Variants in GLG1 observed in about 807,000 individuals in gnomAD.
The protein encoded by GLG1 is golgi glycoprotein 1.
In GLG1, 38 loss-of-function variants were observed where a neutral mutation model predicts 160.5. The ratio of observed to expected loss-of-function variants is 0.24; its 90% CI spans 0.18 to 0.31. GLG1 has a LOEUF of 0.31. GLG1 is among the 10% of genes least tolerant of loss of function. The probability of loss-of-function intolerance (pLI) is 1.00; values close to 1 mark genes in which losing one functional copy is unlikely to be tolerated. For missense variants in GLG1, 1,373 were observed against 1,505.2 expected, an observed-to-expected ratio of 0.91 and a Z score of 1.45; for synonymous variants, 644 against 543.4, an observed-to-expected ratio of 1.19 and a Z score of -2.57.
chr16:74,477,396 C>T lies in GLG1; in HGVS notation c.1965G>A (p.Gln655=), dbSNP rs752038762. The T allele has an allele frequency of 1.2e-6, 2 of 1,608,988 alleles. No individual in the cohort carries two copies. The highest frequency in any genetic ancestry group is 1.7e-5 in the Admixed American group (1 of 59,994). ...KWCSEKTETG[Q]ELECLQDHLD... Reference sequence around the variant, plus strand: ...ACAAACAGAAAGCGATGTCACCTACCTGTCCAGTCTCTGTTTTCTCACTGC... The same window carrying T: ...ACAAACAGAAAGCGATGTCACCTACTTGTCCAGTCTCTGTTTTCTCACTGC... The change falls in exon 12 of 26, where the codon CAG becomes CAA. Residue 655 remains glutamine (Q), a splice_region_variant and synonymous_variant. Transcript: ENST00000422840.
intron 1 of GLG1, among the ~76,000 whole-genome samples, chr16:74,554,976 A>G (rs1255827763): frequency 6.6e-6 from 1 of 152,230 alleles, no homozygotes; most frequent in African/African-American, 2.4e-5. Flanking sequence ...TAATCTCACC[A>G]CTGCCCTCCA....
intron 1 of GLG1, among the ~76,000 whole-genome samples, chr16:74,602,833 G>A (rs966191698): frequency 5.3e-5 from 8 of 151,258 alleles, no homozygotes; most frequent in Non-Finnish European, 8.8e-5. Flanking sequence ...TGTATACCCA[G>A]GGACTCATTA....
At chr16:74,485,557 C>G (rs899932036) in intron 9 of GLG1, among the ~76,000 whole-genome samples, 4 of 152,134 alleles carry the variant, frequency 2.6e-5, no homozygotes, top group Non-Finnish European at 4.4e-5. Context: ...CATATATGCT[C>G]AGTCATTGTC....
chr16:74,595,021 T>C (rs1958266932), intron 1 of GLG1, among the ~76,000 whole-genome samples: 2 of 151,214 alleles, frequency 1.3e-5, no homozygotes, highest in South Asian at 4.2e-4. Flanking sequence ...ACCTCGTCTC[T>C]ACTAAAAATA....
chr16:74,556,730 G>T (rs944617210), intron 1 of GLG1, among the ~76,000 whole-genome samples: 45 of 148,466 alleles, frequency 3.0e-4, no homozygotes, highest in South Asian at 6.3e-4. Context: ...ACAAGGTCTT[G>T]CTCTGTCTCA....
At position 74,600,227 on chromosome 16, in the gene GLG1, G is replaced by A. The variant is rs536912470; in HGVS notation, c.438+6430C>T. ...TACCACATCAAATTCATGAGTTCAC[G>A]TATATTTCCGCTTAGAACAAGGCTA... On this transcript the variant is annotated intron_variant, in intron 1 of 25. Coordinates refer to ENST00000422840, the MANE Select transcript of GLG1 (RefSeq NM_001145667.2). 1.2e-3 allele frequency among the ~76,000 whole-genome samples: 179 copies of A among 151,974 alleles called. 2 individuals are homozygous for A. Among genetic ancestry groups the A allele is most frequent in the Non-Finnish European group, 3.8e-4 (26 of 67,976 alleles).
At chr16:74,500,984 A>C (rs1266946754) in intron 4 of GLG1, among the ~76,000 whole-genome samples, 3 of 152,216 alleles carry the variant, frequency 2.0e-5, no homozygotes, top group Admixed American at 2.0e-4. Context: ...CAGATTAACC[A>C]TGAATCCTCT....
rs2014237289 is a variant in GLG1 at position 74,450,335 on chromosome 16, C to G, written c.*2832G>C. On this transcript the variant is annotated 3_prime_UTR_variant, in exon 26 of 26. Coordinates refer to ENST00000422840, the MANE Select transcript of GLG1 (RefSeq NM_001145667.2). ...ATAAGGCCAGGAACCAGGGGTGCCC[C>G]AGGCCCTGTTTTGTTTTGCCAAATG... The G allele has an allele frequency of 6.6e-6, 1 of 152,194 alleles. No homozygotes were observed. Among genetic ancestry groups the G allele is most frequent in the Non-Finnish European group, 1.5e-5 (1 of 68,050 alleles). 9.4% of individuals were successfully genotyped at this position (152,194 alleles called of 1,614,324 possible).
chr16:74,573,167 C>A (rs1036981758), intron 1 of GLG1, among the ~76,000 whole-genome samples: 1 of 152,014 alleles, frequency 6.6e-6, no homozygotes, highest in African/African-American at 2.4e-5. Context: ...GCAAAAATAT[C>A]TTTTAAGAAT....
intron 1 of GLG1, among the ~76,000 whole-genome samples, chr16:74,586,897 T>C (rs946189115): frequency 6.6e-6 from 1 of 152,034 alleles, no homozygotes; most frequent in Non-Finnish European, 1.5e-5. Flanking sequence ...GGTTTCACCA[T>C]GTTCGTCAGT....
rs558257414 is a variant in GLG1 at position 74,551,364 on chromosome 16, G to A, written c.439-19211C>T. ...GGGTGGAGTGCAGTGGTGTGATTTC[G>A]GCTCACTGCAACCTTAGCCCCAACC... On this transcript the variant is annotated intron_variant, in intron 1 of 25. Transcript: ENST00000422840. 1.2e-4 allele frequency among the ~76,000 whole-genome samples: 18 copies of A among 151,788 alleles called. 1 individual carries two copies. The highest frequency in any genetic ancestry group is 2.0e-4 in the Admixed American group (3 of 15,224).
intron 1 of GLG1, among the ~76,000 whole-genome samples, chr16:74,566,015 A>T (rs2018645699): frequency 6.6e-6 from 1 of 152,152 alleles, no homozygotes. Context: ...AACGTCCCTC[A>T]ATTTGGGTTT....
At position 74,483,091 on chromosome 16, in the gene GLG1, T is replaced by C. The variant is rs140035541; in HGVS notation, c.1605A>G (p.Thr535=). 46 of 1,607,864 alleles carry C rather than the reference T, an allele frequency of 2.9e-5. No homozygotes were observed. Among genetic ancestry groups the C allele is most frequent in the Non-Finnish European group, 3.6e-5 (42 of 1,174,440 alleles). The change falls in exon 10 of 26, where the codon ACA becomes ACG. Residue 535 remains threonine, a synonymous_variant. Transcript: ENST00000422840. ...ILSCLMEHLY[T]EKMVEDCEHR... The stretch of plus-strand genomic sequence containing the variant: ...GTTCACAGTCTTCTACCATCTTCTC[T>C]GTGTATAAATGTTCCATCAGGCACG...
intron 1 of GLG1, among the ~76,000 whole-genome samples, chr16:74,595,702 A>G (rs551503048): frequency 3.3e-4 from 50 of 152,378 alleles, no homozygotes; most frequent in Admixed American, 1.3e-3. Context: ...AGTGCTATTC[A>G]TAAGTATGTG....
chr16:74,558,537 C>T (rs1482791015), intron 1 of GLG1, among the ~76,000 whole-genome samples: 2 of 152,254 alleles, frequency 1.3e-5, no homozygotes, highest in Non-Finnish European at 2.9e-5. Flanking sequence ...TTGAGTCTGA[C>T]TTTAACCTGC....
At chr16:74,498,447 A>AAATATATATATATATATATATATAT (rs1491293119) in intron 4 of GLG1, among the ~76,000 whole-genome samples, 5 of 8,206 alleles carry the variant, frequency 6.1e-4, no homozygotes, top group Non-Finnish European at 7.8e-4. Context: ...AAAAAAAAAA[A>AAATATATATATATATATATATATAT]GTATATATAT....
At chr16:74,463,024 T>C (rs1027148261) in intron 20 of GLG1, 2 of 421,340 alleles carry the variant, frequency 4.7e-6, no homozygotes, top group Admixed American at 8.3e-5. Context: ...GTGAAATGTT[T>C]CTGTTCCGAA....
chr16:74,477,000 A>C (rs1245993601), intron 12 of GLG1, among the ~76,000 whole-genome samples: 3 of 152,224 alleles, frequency 2.0e-5, no homozygotes, highest in African/African-American at 7.2e-5. Context: ...AAAATGAATA[A>C]AGAAGAGAAA....
At chr16:74,483,941 G>A (rs1413266412) in intron 9 of GLG1, among the ~76,000 whole-genome samples, 3 of 152,080 alleles carry the variant, frequency 2.0e-5, no homozygotes, top group Admixed American at 6.6e-5. Context: ...TTACAGGCGT[G>A]AGCCACCGTG....
Sources: gnomAD v4.1 joint callset for allele counts (sites outside exome capture counted in the v4.1 genomes callset) on GRCh38, gnomAD v4.1.1 for gene constraint, MANE v1.5 for transcripts, NCBI Gene and HGNC (gene_info 2026-07-23, HGNC 2026-07-21) for gene names.